GOLPH3: variants seen among roughly 807,000 people sequenced by gnomAD.
GOLPH3 encodes coat protein GPP34.
Under a neutral mutation model 28.5 loss-of-function variants are expected in GOLPH3, and 14 were observed. The observed-to-expected ratio is 0.49, with a 90% confidence interval of 0.32 to 0.77. The LOEUF is 0.77. Ranked by LOEUF, GOLPH3 falls within the 30% of genes least tolerant of loss-of-function variation. GOLPH3 has a pLI of 0.03. For synonymous variants in GOLPH3, 158 were observed against 159.2 expected (o/e 0.99, Z 0.06); for missense variants, 350 against 393.7 (o/e 0.89, Z 0.94).
At chr5:32,165,497 C>T (rs1397023336) in intron 1 of GOLPH3, among the ~76,000 whole-genome samples, 1 of 152,004 alleles carries the variant, frequency 6.6e-6, no homozygotes, top group Non-Finnish European at 1.5e-5. Context: ...GCAGGAGAAT[C>T]GCTTGAACCC....
intron 1 of GOLPH3, among the ~76,000 whole-genome samples, chr5:32,152,482 G>A (rs527962997): frequency 1.4e-5 from 2 of 141,394 alleles, no homozygotes; most frequent in Admixed American, 7.1e-5. Flanking sequence ...CTATCAGACC[G>A]GCAAAAATCC....
Position 32,143,899 on chromosome 5 carries a change from GAAAT to G in GOLPH3, c.226-23_226-20del. ...TGTAACCCTATTAAAAAAAGAAGAA[GAAAT>G]AAAACAAAATAGCTAATTTACCTTG... On this transcript the variant is annotated intron_variant, in intron 1 of 3. Coordinates refer to ENST00000265070, the MANE Select transcript of GOLPH3 (RefSeq NM_022130.4). 1 of 1,456,918 alleles carries G rather than the reference GAAAT, an allele frequency of 6.9e-7. No individual in the cohort carries two copies. Among genetic ancestry groups the G allele is most frequent in the Non-Finnish European group, 9.1e-7 (1 of 1,096,774 alleles). The allele number at this position is 1,456,918 out of a possible 1,614,324, so 90.2% of individuals were successfully genotyped here. A position where few individuals can be genotyped will look rare whatever the true frequency, so the allele number is the denominator to read the frequency against.
At chr5:32,134,787 A>ATTT (rs925492716) in intron 3 of GOLPH3, 1 of 152,112 alleles carries the variant, frequency 6.6e-6, no homozygotes, top group African/African-American at 2.4e-5. Context: ...CACAAGTTAG[A>ATTT]TTTTTTTGTT....
At chr5:32,149,471 T>A (rs1746256104) in intron 1 of GOLPH3, among the ~76,000 whole-genome samples, 1 of 152,198 alleles carries the variant, frequency 6.6e-6, no homozygotes, top group Non-Finnish European at 1.5e-5. Flanking sequence ...CCTTGAATTG[T>A]ACACTTCAAA....
intron 1 of GOLPH3, among the ~76,000 whole-genome samples, chr5:32,146,782 C>T (rs1467023295): frequency 1.3e-5 from 2 of 152,078 alleles, no homozygotes; most frequent in African/African-American, 4.8e-5. Flanking sequence ...ACATGAGAAA[C>T]AGATAAAAAA....
chr5:32,139,588 T>C (rs1746012103), intron 2 of GOLPH3, among the ~76,000 whole-genome samples: 1 of 152,264 alleles, frequency 6.6e-6, no homozygotes, highest in East Asian at 1.9e-4. Context: ...AACTTTTCAA[T>C]GACTCGAGTT....
chr5:32,136,981 T>TG (rs1745946904), intron 2 of GOLPH3, among the ~76,000 whole-genome samples: 1 of 152,008 alleles, frequency 6.6e-6, no homozygotes, highest in Non-Finnish European at 1.5e-5. Context: ...TTTTTGGAAA[T>TG]GGAGTTTTGC....
rs963902500 is a variant in GOLPH3, at chr5:32,174,065, G to A, written c.-31C>T. 2.4e-6 allele frequency: 3 copies of A among 1,269,438 alleles called. No homozygotes were observed. The highest frequency in any genetic ancestry group is 3.1e-5 in the African/African-American group (2 of 64,172). The allele number at this position is 1,269,438 out of a possible 1,614,324, so 78.6% of individuals were successfully genotyped here. ...CCGCCGAGGCGCCGAGCCGGGCCGAGAGGGTCGCAGGACCGACCGGGTCGC... is the reference window on the plus strand; with the variant it reads ...CCGCCGAGGCGCCGAGCCGGGCCGAAAGGGTCGCAGGACCGACCGGGTCGC... On this transcript the variant is annotated 5_prime_UTR_variant, in exon 1 of 4. Coordinates refer to ENST00000265070, the MANE Select transcript of GOLPH3 (RefSeq NM_022130.4).
intron 1 of GOLPH3, among the ~76,000 whole-genome samples, chr5:32,159,200 G>C (rs993458828): frequency 2.0e-5 from 3 of 152,180 alleles, no homozygotes; most frequent in African/African-American, 7.2e-5. Flanking sequence ...CCTGTACTTG[G>C]GACCCGAAGT....
Position 32,152,431 on chromosome 5 carries a change from G to GC in GOLPH3, c.226-8552dup, listed in dbSNP as rs1424605555. ...TGAGCCACCGCGCCTGCCCCCCCCA[G>GC]CCTTTTTTTTTTTTTTTAAACTACA... is the stretch of plus-strand genomic sequence containing the variant. On this transcript the variant is annotated intron_variant, in intron 1 of 3. Transcript: ENST00000265070. Among the ~76,000 whole-genome samples, 18 of 102,146 alleles carry GC rather than the reference G, an allele frequency of 1.8e-4. No homozygotes were observed. The Admixed American group carries it at 2.1e-3, about 12-fold the overall frequency. The allele number at this position is 102,146 out of a possible 152,430, so 67.0% of individuals were successfully genotyped here.
chr5:32,127,009 T>C (rs761628231), intron 3 of GOLPH3, among the ~76,000 whole-genome samples: 1 of 151,810 alleles, frequency 6.6e-6, no homozygotes, highest in Non-Finnish European at 1.5e-5. Flanking sequence ...CTGCAACTAA[T>C]AGACTAAAAA....
rs918230908 is a variant in GOLPH3, at chr5:32,161,908, T to C, written c.225+11902A>G. On this transcript the variant is annotated intron_variant, in intron 1 of 3. Transcript: ENST00000265070. The stretch of plus-strand genomic sequence containing the variant: ...AGGGCATGGTGACGGGCGCCTGTAG[T>C]CCTAGCTACTCGGGAGGCTGAGGCA... Among the ~76,000 whole-genome samples the C allele has an allele frequency of 2.0e-5, 3 of 150,908 alleles. 1 individual carries two copies. The highest frequency in any genetic ancestry group is 7.4e-5 in the African/African-American group (3 of 40,386).
intron 1 of GOLPH3, among the ~76,000 whole-genome samples, chr5:32,172,512 T>G (rs769140723): frequency 1.3e-5 from 2 of 151,978 alleles, no homozygotes; most frequent in Admixed American, 6.6e-5. Flanking sequence ...CTGGCCAACA[T>G]GGTGAAACCC....
chr5:32,173,804 C>T lies in GOLPH3; in HGVS notation c.225+6G>A, dbSNP rs1315790494. 7.1e-7 allele frequency: 1 copy of T among 1,417,796 alleles called. No individual in the cohort carries two copies. Among genetic ancestry groups the T allele is most frequent in the Admixed American group, 2.7e-5 (1 of 37,630 alleles). 87.8% of individuals were successfully genotyped at this position (1,417,796 alleles called of 1,614,324 possible). A position where few individuals can be genotyped will look rare whatever the true frequency, so the allele number is the denominator to read the frequency against. ...CCGCCCCCCGCCCAGCCCGCCGCGC[C>T]CGCACCTCGCGGTCCTTGAGGCCCA... On this transcript the variant is annotated splice_donor_region_variant and intron_variant, in intron 1 of 3. Transcript: ENST00000265070.
intron 3 of GOLPH3, among the ~76,000 whole-genome samples, chr5:32,130,862 A>G (rs1463001007): frequency 6.6e-6 from 1 of 152,236 alleles, no homozygotes; most frequent in African/African-American, 2.4e-5. Flanking sequence ...TAAAACTTAC[A>G]TATTGCAACC....
Position 32,169,959 on chromosome 5 carries a change from G to GA in GOLPH3, c.225+3850dup, listed in dbSNP as rs199522796. 3.7e-3 allele frequency among the ~76,000 whole-genome samples: 506 copies of GA among 135,702 alleles called. 1 individual carries two copies. Among genetic ancestry groups the GA allele is most frequent in the Admixed American group, 7.1e-3 (96 of 13,564 alleles). 89.0% of individuals were successfully genotyped at this position (135,702 alleles called of 152,430 possible). On this transcript the variant is annotated intron_variant, in intron 1 of 3. Coordinates refer to ENST00000265070, the MANE Select transcript of GOLPH3 (RefSeq NM_022130.4). ...AAAAAAAAAATCTGAAATGTGTAAAGAAAAAAAAAAAAATCAATCACAATG... is the reference window on the plus strand; with the variant it reads ...AAAAAAAAAATCTGAAATGTGTAAAGAAAAAAAAAAAAAATCAATCACAATG...
At position 32,158,024 on chromosome 5, in the gene GOLPH3, ACACAC is replaced by A. The variant is rs1269466743; in HGVS notation, c.226-14149_226-14145del. On this transcript the variant is annotated intron_variant, in intron 1 of 3. Transcript: ENST00000265070. Reference sequence around the variant, plus strand: ...AAATAAATAAATAAATAAATAAAATACACACACACACACACACACACACACACACA... The same window carrying A: ...AAATAAATAAATAAATAAATAAAATAACACACACACACACACACACACACA... Among the ~76,000 whole-genome samples, 12 of 9,234 alleles carry A rather than the reference ACACAC, an allele frequency of 1.3e-3. 1 individual carries two copies. Among genetic ancestry groups the A allele is most frequent in the African/African-American group, 2.5e-3 (9 of 3,594 alleles). 6.1% of individuals were successfully genotyped at this position (9,234 alleles called of 152,430 possible). A position where few individuals can be genotyped will look rare whatever the true frequency, so the allele number is the denominator to read the frequency against.
intron 1 of GOLPH3, among the ~76,000 whole-genome samples, chr5:32,162,647 C>A (rs376922674): frequency 4.6e-5 from 7 of 152,102 alleles, no homozygotes; most frequent in African/African-American, 1.7e-4. Flanking sequence ...TTGTCAAGAC[C>A]ACTATAAACT....
At chr5:32,137,323 G>C (rs1391747550) in intron 2 of GOLPH3, among the ~76,000 whole-genome samples, 2 of 151,756 alleles carry the variant, frequency 1.3e-5, no homozygotes, top group Non-Finnish European at 2.9e-5. Context: ...CAATAGCGTT[G>C]ATTACATAAA....
Sources: gnomAD v4.1 joint callset for allele counts (sites outside exome capture counted in the v4.1 genomes callset) on GRCh38, gnomAD v4.1.1 for gene constraint, MANE v1.5 for transcripts, NCBI Gene and HGNC (gene_info 2026-07-23, HGNC 2026-07-21) for gene names.